CERS6: variants seen among roughly 807,000 people sequenced by gnomAD.
CERS6 encodes LAG1 homolog, ceramide synthase 6.
CERS6 carries 26 observed loss-of-function variants against 56.8 expected under a neutral mutation model. The observed-to-expected ratio is 0.46, with a 90% CI of 0.34 to 0.63. The LOEUF is 0.63. Among genes scored for constraint, CERS6 ranks in the 30% least tolerant of loss-of-function variants. The pLI is 0.01. For synonymous variants in CERS6, 164 were observed against 173.3 expected (o/e 0.95, Z 0.42); for missense variants, 415 against 467.5 (o/e 0.89, Z 1.04).
intron 3 of CERS6, among the ~76,000 whole-genome samples, chr2:168,596,787 G>A (rs553044632): frequency 7.2e-5 from 11 of 152,012 alleles, no homozygotes; most frequent in African/African-American, 2.2e-4. Flanking sequence ...AACGCTTGGC[G>A]TCCCAAAGTG....
In CERS6 at chr2:168,666,332, A is replaced by G. The variant is rs370473929; in HGVS notation, c.466-24702A>G. Among the ~76,000 whole-genome samples the G allele has an allele frequency of 3.9e-5, 6 of 152,100 alleles. No homozygotes were observed. In the East Asian group the frequency reaches 9.6e-4, roughly 24 times the overall value. On this transcript the variant is annotated intron_variant, in intron 4 of 9. Transcript: ENST00000305747. ...CCTGTTCATCCCTTCCTTCCTCCCTAGACCTGGCAACCACTCATCTTCTTA... is the reference window on the plus strand; with the variant it reads ...CCTGTTCATCCCTTCCTTCCTCCCTGGACCTGGCAACCACTCATCTTCTTA...
At chr2:168,494,771 A>T (rs1478664778) in intron 1 of CERS6, among the ~76,000 whole-genome samples, 1 of 152,124 alleles carries the variant, frequency 6.6e-6, no homozygotes, top group Non-Finnish European at 1.5e-5. Context: ...AGCATGGAAT[A>T]TCGATAGCTT....
intron 8 of CERS6, among the ~76,000 whole-genome samples, chr2:168,720,960 A>G (rs1687350250): frequency 6.6e-6 from 1 of 152,214 alleles, no homozygotes; most frequent in South Asian, 2.1e-4. Context: ...CTTCGTGGCC[A>G]GTGATGGACC....
chr2:168,479,347 A>G (rs992992538), intron 1 of CERS6, among the ~76,000 whole-genome samples: 1 of 152,118 alleles, frequency 6.6e-6, no homozygotes, highest in Non-Finnish European at 1.5e-5. Context: ...TTCTAACTAG[A>G]TTTTTAAATA....
chr2:168,702,235 T>A (rs894824116), intron 6 of CERS6, among the ~76,000 whole-genome samples: 2 of 152,220 alleles, frequency 1.3e-5, no homozygotes, highest in Non-Finnish European at 2.9e-5. Flanking sequence ...TTGTGTGTGA[T>A]GAAATTGGAA....
intron 3 of CERS6, among the ~76,000 whole-genome samples, chr2:168,564,958 G>C (rs576144528): frequency 6.6e-6 from 1 of 152,280 alleles, no homozygotes; most frequent in Non-Finnish European, 1.5e-5. Context: ...TTATGACTGT[G>C]TGTTAAAATG....
Position 168,561,182 on chromosome 2 carries a change from T to C in CERS6, c.277-10T>C. On this transcript the variant is annotated splice_polypyrimidine_tract_variant and intron_variant, in intron 2 of 9. Coordinates refer to ENST00000305747, the MANE Select transcript of CERS6 (RefSeq NM_203463.3). ...ATTGAAAATTATTTTTCTGGTACCT[T>C]GTTTCATAGCATCCTGATGAAAAGA... The C allele has an allele frequency of 6.2e-7, 1 of 1,613,454 alleles. No homozygotes were observed. Among genetic ancestry groups the C allele is most frequent in the Non-Finnish European group, 8.5e-7 (1 of 1,179,516 alleles).
At chr2:168,682,606 A>G (rs1381323656) in intron 4 of CERS6, among the ~76,000 whole-genome samples, 1 of 152,160 alleles carries the variant, frequency 6.6e-6, no homozygotes, top group African/African-American at 2.4e-5. Flanking sequence ...CTCTTTCTCC[A>G]GAGCTGCAGA....
At chr2:168,510,372 A>G (rs934791472) in intron 1 of CERS6, among the ~76,000 whole-genome samples, 2 of 152,182 alleles carry the variant, frequency 1.3e-5, no homozygotes, top group Non-Finnish European at 2.9e-5. Flanking sequence ...TTATAAACAG[A>G]TATTTTACCA....
chr2:168,596,555 C>CCTT (rs766580344), intron 3 of CERS6, among the ~76,000 whole-genome samples: 26 of 114,832 alleles, frequency 2.3e-4, no homozygotes, highest in African/African-American at 5.8e-4. Flanking sequence ...ATCCCCCCCC[C>CCTT]TTTTTTTTTT....
At chr2:168,582,422 A>G (rs898805217) in intron 3 of CERS6, among the ~76,000 whole-genome samples, 4 of 151,910 alleles carry the variant, frequency 2.6e-5, no homozygotes, top group African/African-American at 9.7e-5. Flanking sequence ...CTATCTTGTC[A>G]CCTCTGATGC....
intron 3 of CERS6, among the ~76,000 whole-genome samples, chr2:168,613,988 T>C (rs1205940862): frequency 1.3e-5 from 2 of 152,214 alleles, no homozygotes; most frequent in African/African-American, 4.8e-5. Flanking sequence ...TTGTGTGCAT[T>C]GTAATGGGGT....
intron 1 of CERS6, among the ~76,000 whole-genome samples, chr2:168,475,734 A>G (rs1298057472): frequency 1.3e-5 from 2 of 152,222 alleles, no homozygotes; most frequent in Non-Finnish European, 2.9e-5. Flanking sequence ...GAAAATTGAT[A>G]TAAAGCACAT....
intron 3 of CERS6, among the ~76,000 whole-genome samples, chr2:168,624,098 C>T (rs1022155165): frequency 2.0e-5 from 3 of 152,046 alleles, no homozygotes; most frequent in African/African-American, 2.4e-5. Flanking sequence ...CCTGTAAGAC[C>T]GAATCGTTGC....
At chr2:168,487,857 G>A (rs907249336) in intron 1 of CERS6, among the ~76,000 whole-genome samples, 1 of 152,076 alleles carries the variant, frequency 6.6e-6, no homozygotes, top group Non-Finnish European at 1.5e-5. Context: ...GTAGCTGGGC[G>A]ACGTGTGTGC....
At chr2:168,485,873 A>G (rs148646091) in intron 1 of CERS6, among the ~76,000 whole-genome samples, 2 of 152,284 alleles carry the variant, frequency 1.3e-5, no homozygotes, top group East Asian at 1.9e-4. Flanking sequence ...TGATTTGGCA[A>G]TCATGCAGCT....
intron 1 of CERS6, among the ~76,000 whole-genome samples, chr2:168,494,973 A>G (rs1192180133): frequency 6.6e-6 from 1 of 152,122 alleles, no homozygotes; most frequent in Non-Finnish European, 1.5e-5. Flanking sequence ...TTGAACACAC[A>G]TTCTTTTTAG....
At chr2:168,468,567 C>T (rs1382747033) in intron 1 of CERS6, among the ~76,000 whole-genome samples, 1 of 152,166 alleles carries the variant, frequency 6.6e-6, no homozygotes, top group Non-Finnish European at 1.5e-5. Flanking sequence ...ATGCCTAGCT[C>T]AGTGAAATAG....
At chr2:168,692,355 G>A (rs979418088) in intron 5 of CERS6, among the ~76,000 whole-genome samples, 1 of 152,136 alleles carries the variant, frequency 6.6e-6, no homozygotes, top group African/African-American at 2.4e-5. Context: ...GTTTATGAAA[G>A]TACACACAAG....
Sources: gnomAD v4.1 joint callset for allele counts (sites outside exome capture counted in the v4.1 genomes callset) on GRCh38, gnomAD v4.1.1 for gene constraint, MANE v1.5 for transcripts, NCBI Gene and HGNC (gene_info 2026-07-23, HGNC 2026-07-21) for gene names.